PKD1L1: variants seen among roughly 807,000 people sequenced by gnomAD.
PKD1L1 encodes polycystin-1-like protein 1.
Under a neutral mutation model 323.4 loss-of-function variants are expected in PKD1L1, and 236 were observed. That is an observed-to-expected ratio of 0.73 (90% CI 0.66 to 0.81). The LOEUF is 0.81. Ranked by LOEUF, PKD1L1 falls within the 40% of genes least tolerant of loss-of-function variation. The pLI, the probability that PKD1L1 is intolerant of heterozygous loss-of-function variation, is 0.00. For synonymous variants in PKD1L1, 1,344 were observed against 1,335.0 expected, an observed-to-expected ratio of 1.01 and a Z score of -0.15; for missense variants, 3,320 against 3,508.0, an observed-to-expected ratio of 0.95 and a Z score of 1.35.
chr7:47,795,360 A>G (rs889310993), intron 55 of PKD1L1: 4 of 455,400 alleles, frequency 8.8e-6, no homozygotes, highest in African/African-American at 8.0e-5. Context: ...TTGCATCTGG[A>G]TCATTTTTCT....
chr7:47,952,879 G>A (rs1788224370), upstream of PKD1L1, among the ~76,000 whole-genome samples: 1 of 152,102 alleles, frequency 6.6e-6, no homozygotes. Flanking sequence ...AATTATAAAT[G>A]GCACCTCTCT....
intron 7 of PKD1L1, 60 bp downstream of exon 7, chr7:47,929,144 T>C: frequency 6.6e-7 from 1 of 1,514,448 alleles, no homozygotes; most frequent in Non-Finnish European, 9.0e-7. Context: ...CACTGCCTCT[T>C]GGGTCCCCTA....
At chr7:47,800,466 G>A (rs1322977466) in intron 54 of PKD1L1, among the ~76,000 whole-genome samples, 183 bp downstream of exon 54, 2 of 152,204 alleles carry the variant, frequency 1.3e-5, no homozygotes, top group Non-Finnish European at 2.9e-5. Context: ...GTAAGGGAGA[G>A]TCAAACCAAC....
At chr7:47,845,238 G>A (rs1785641809) in intron 32 of PKD1L1, among the ~76,000 whole-genome samples, 160 bp from the exon 33 acceptor site, 1 of 152,260 alleles carries the variant, frequency 6.6e-6, no homozygotes, top group African/African-American at 2.4e-5. Flanking sequence ...TGACACCTAA[G>A]TTAGAAATGA....
chr7:47,866,490 A>G lies in PKD1L1; in HGVS notation c.4021T>C (p.Ser1341Pro), dbSNP rs754948736. The stretch of plus-strand genomic sequence containing the variant: ...TGTATTCGTGACCATTGGTTGCAGG[A>G]GGCAGTTTTGTCCTCCTTAGACAAA... ...SRLSKEDKTA[S>P]CNQWSRIQDA... Residue 1341 changes from serine to proline, a missense_variant, in exon 25 of 57, where the codon TCC becomes CCC. Physicochemically the swap from Ser to Pro is moderately conservative, Grantham distance 74 (BLOSUM62 -1). Transcript: ENST00000289672. The G allele has an allele frequency of 1.9e-6, 3 of 1,612,244 alleles. No individual in the cohort carries two copies. The highest frequency in any genetic ancestry group is 2.5e-6 in the Non-Finnish European group (3 of 1,178,914).
intron 3 of PKD1L1, among the ~76,000 whole-genome samples, chr7:47,937,199 C>G (rs546697394): frequency 7.6e-6 from 1 of 131,744 alleles, no homozygotes; most frequent in East Asian, 2.3e-4. Flanking sequence ...TGCTGGGGGT[C>G]GTGCTGCGGA....
At chr7:47,900,258 T>C (rs998115738) in intron 13 of PKD1L1, among the ~76,000 whole-genome samples, 3 of 151,932 alleles carry the variant, frequency 2.0e-5, no homozygotes, top group African/African-American at 7.3e-5. Flanking sequence ...CTAGTGAGAG[T>C]GAGAGTTGGT....
chr7:47,788,354 G>C (rs1001004259), intron 56 of PKD1L1, among the ~76,000 whole-genome samples: 1 of 148,760 alleles, frequency 6.7e-6, no homozygotes, highest in South Asian at 2.1e-4. Flanking sequence ...GCAGTGGTGC[G>C]ATCTCTGCTC....
At chr7:47,896,371 G>T (rs557359512) in intron 14 of PKD1L1, among the ~76,000 whole-genome samples, 84 of 148,712 alleles carry the variant, frequency 5.6e-4, no homozygotes, top group Admixed American at 1.1e-3. Flanking sequence ...CGTTCTGTCA[G>T]TCTTATAATC....
chr7:47,877,661 C>G (rs1462746764), intron 21 of PKD1L1, 30 bp from the exon 22 acceptor site: 1 of 1,608,586 alleles, frequency 6.2e-7, no homozygotes, highest in Non-Finnish European at 8.5e-7. Context: ...AGCGGTTTCA[C>G]CCATGATGGA....
chr7:47,822,841 A>T (rs1200304013), intron 45 of PKD1L1, among the ~76,000 whole-genome samples: 3 of 152,168 alleles, frequency 2.0e-5, no homozygotes, highest in Non-Finnish European at 4.4e-5. Flanking sequence ...TGTAAATAGT[A>T]TTCCTTTTTA....
At chr7:47,882,195 AC>A in intron 19 of PKD1L1, 110 bp from the exon 20 acceptor site, 1 of 1,112,084 alleles carries the variant, frequency 9.0e-7, no homozygotes, top group Non-Finnish European at 1.3e-6. Context: ...ATTGCTGGAT[AC>A]CGCCTATCTA....
chr7:47,827,760 T>C (rs1324788651), intron 44 of PKD1L1, among the ~76,000 whole-genome samples: 1 of 152,202 alleles, frequency 6.6e-6, no homozygotes, highest in African/African-American at 2.4e-5. Context: ...GTATGTCTAC[T>C]ACTGTCAAAT....
chr7:47,858,488 A>G (rs1785952246), intron 27 of PKD1L1, among the ~76,000 whole-genome samples, 185 bp downstream of exon 27: 1 of 152,240 alleles, frequency 6.6e-6, no homozygotes, highest in Non-Finnish European at 1.5e-5. Flanking sequence ...ACATTATAAT[A>G]TTACCATGAA....
At chr7:47,796,502 G>A (rs17710633) in intron 54 of PKD1L1, among the ~76,000 whole-genome samples, 8,901 of 152,276 alleles carry the variant, frequency 0.058, 377 homozygotes, top group East Asian at 0.2. Flanking sequence ...CTGTGGGTGA[G>A]CCTCAGGAGA....
Position 47,805,990 on chromosome 7 carries a change from A to C in PKD1L1, c.7827+2257T>G, listed in dbSNP as rs1020157109. ...GGAATTGGAAATTGGCATCTGCCCTAGAAAGGATCCCCAGGGAAGAGGGGC... is the reference window on the plus strand; with the variant it reads ...GGAATTGGAAATTGGCATCTGCCCTCGAAAGGATCCCCAGGGAAGAGGGGC... On this transcript the variant is annotated intron_variant, in intron 52 of 56. Coordinates refer to ENST00000289672, the MANE Select transcript of PKD1L1 (RefSeq NM_138295.5). Among the ~76,000 whole-genome samples the C allele has an allele frequency of 2.6e-5, 4 of 152,234 alleles. No individual in the cohort carries two copies. The East Asian group carries it at 7.7e-4, about 29-fold the overall frequency.
chr7:47,866,447 G>A lies in PKD1L1; in HGVS notation c.4064C>T (p.Ser1355Leu), dbSNP rs1786170609. The A allele has an allele frequency of 1.2e-6, 2 of 1,613,354 alleles. No homozygotes were observed. The highest frequency in any genetic ancestry group is 1.1e-5 in the South Asian group (1 of 90,898). The change falls in exon 25 of 57, where the codon TCA (serine) becomes TTA (leucine). Residue 1355 changes from serine to leucine, a missense_variant. Ser to Leu is a moderately radical substitution (Grantham distance 145). Transcript: ENST00000289672. ...ATCTACAAAAGCCAATCTGCATACTGAAGAAATTAATGCATCCTGTATTCG... is the reference window on the plus strand; with the variant it reads ...ATCTACAAAAGCCAATCTGCATACTAAAGAAATTAATGCATCCTGTATTCG... The part of the protein sequence containing the change: ...WSRIQDALIS[S>L]VCRLAFVDQE...
chr7:47,812,819 G>T (rs1784929626), intron 49 of PKD1L1, among the ~76,000 whole-genome samples: 1 of 152,230 alleles, frequency 6.6e-6, no homozygotes, highest in African/African-American at 2.4e-5. Flanking sequence ...TAAACACCCA[G>T]CTTGGCACAA....
rs746257783 is a variant in PKD1L1, at chr7:47,929,508, A to T, written c.756T>A (p.Pro252=). The change falls in exon 7 of 57, where the codon CCT becomes CCA. Residue 252 remains proline (P), a synonymous_variant. Transcript: ENST00000289672. ...TGAAGCTGGGGGTGCGAGGAATGCC[A>T]GGCGGAAGGCCGTGGGAGCTGTGGG... is the stretch of plus-strand genomic sequence containing the variant. ...TSPRSSHGLP[P]GIPRTPSFTA... is the part of the protein sequence containing the mutation. 5 of 1,613,380 alleles carry T rather than the reference A, an allele frequency of 3.1e-6. No homozygotes were observed. The highest frequency in any genetic ancestry group is 1.3e-5 in the African/African-American group (1 of 74,932).
Sources: gnomAD v4.1 joint callset for allele counts (sites outside exome capture counted in the v4.1 genomes callset) on GRCh38, gnomAD v4.1.1 for gene constraint, MANE v1.5 for transcripts, NCBI Gene and HGNC (gene_info 2026-07-23, HGNC 2026-07-21) for gene names.